ZNF469: variants seen among roughly 807,000 people sequenced by gnomAD.
ZNF469 encodes zinc finger protein 469.
A neutral mutation model predicts 1.0 loss-of-function variants in ZNF469; 1 was observed. That is an observed-to-expected ratio of 1.00 (90% CI 0.35 to 4.73). The LOEUF is 4.73. Among genes scored for constraint, ZNF469 ranks in the 30% most tolerant of loss-of-function variants. ZNF469 has a pLI of 0.16. For synonymous variants in ZNF469, 2,703 were observed against 2,363.4 expected, an observed-to-expected ratio of 1.14 and a Z score of -4.17; for missense variants, 6,100 against 5,356.3, an observed-to-expected ratio of 1.14 and a Z score of -4.33.
chr16:88,330,703 G>A, the ZNF469 span, among the ~76,000 whole-genome samples: 1 of 152,188 alleles, frequency 6.6e-6, no homozygotes, highest in African/African-American at 2.4e-5. Flanking sequence ...AGGGAAAGGA[G>A]AAGTTTTCTC....
the ZNF469 span, among the ~76,000 whole-genome samples, chr16:88,196,157 G>C: frequency 6.6e-6 from 1 of 152,224 alleles, no homozygotes; most frequent in Non-Finnish European, 1.5e-5. Context: ...GAGAGGCATG[G>C]CTTGCCCGAA....
At chr16:88,205,259 T>C in the ZNF469 span, among the ~76,000 whole-genome samples, 2 of 152,202 alleles carry the variant, frequency 1.3e-5, no homozygotes, top group Non-Finnish European at 2.9e-5. This position sits in a 1 kb window ranked among gnomAD's most constrained non-coding sequence, Gnocchi z 4.2. Context: ...CGGCAGAACG[T>C]TGGCTTCGTA....
the ZNF469 span, among the ~76,000 whole-genome samples, chr16:88,286,816 C>A: frequency 6.6e-6 from 1 of 152,218 alleles, no homozygotes; most frequent in Non-Finnish European, 1.5e-5. Context: ...CTCTCTGCCT[C>A]TGTGTCTTAT....
the ZNF469 span, among the ~76,000 whole-genome samples, chr16:88,343,784 T>C: frequency 5.3e-5 from 8 of 152,124 alleles, no homozygotes; most frequent in African/African-American, 1.7e-4. Context: ...AGCCCTCTAA[T>C]CACCTCTTAA....
intron 1 of ZNF469, among the ~76,000 whole-genome samples, chr16:88,384,917 G>A: frequency 6.6e-6 from 1 of 152,154 alleles, no homozygotes; most frequent in Admixed American, 6.5e-5. Flanking sequence ...CATCACAGCA[G>A]CCTGTTCCAG....
the ZNF469 span, among the ~76,000 whole-genome samples, chr16:88,257,781 C>T: frequency 6.6e-6 from 1 of 152,204 alleles, no homozygotes. Context: ...AAGCACACAC[C>T]CTGGTCAGCA....
the ZNF469 span, among the ~76,000 whole-genome samples, chr16:88,309,708 G>A: frequency 2.0e-5 from 3 of 151,162 alleles, no homozygotes; most frequent in African/African-American, 7.3e-5. Context: ...AGTGCCCTCT[G>A]AGGTGCCCTC....
the ZNF469 span, among the ~76,000 whole-genome samples, chr16:88,365,931 C>G: frequency 6.6e-6 from 1 of 152,200 alleles, no homozygotes; most frequent in Non-Finnish European, 1.5e-5. Flanking sequence ...TCCAACCAGC[C>G]ATACACACAT....
At chr16:88,371,423 G>T in the ZNF469 span, among the ~76,000 whole-genome samples, 1 of 152,198 alleles carries the variant, frequency 6.6e-6, no homozygotes, top group East Asian at 1.9e-4. Flanking sequence ...TATGTCCCCA[G>T]TTCAGTCCTC....
At chr16:88,419,600 C>T (rs1034359276) in intron 1 of ZNF469, among the ~76,000 whole-genome samples, 1 of 152,176 alleles carries the variant, frequency 6.6e-6, no homozygotes, top group African/African-American at 2.4e-5. Context: ...CCCTAACCCC[C>T]GGCAGCCTCC....
chr16:88,144,067 A>T, the ZNF469 span, among the ~76,000 whole-genome samples: 1 of 152,208 alleles, frequency 6.6e-6, no homozygotes, highest in Non-Finnish European at 1.5e-5. Context: ...CTGGGGAGAC[A>T]GGAGTGGGGA....
In ZNF469 at chr16:88,439,371, C is replaced by A. The variant is rs912603750; in HGVS notation, c.*39C>A. On this transcript the variant is annotated 3_prime_UTR_variant, in exon 3 of 3. Coordinates refer to ENST00000565624, the MANE Select transcript of ZNF469 (RefSeq NM_001367624.2). ...GAGCCTGGGACCGGAGCTGGGCGTT[C>A]CTGTCTCGGCCTGCCTCCTTGGCCA... 1.3e-6 allele frequency: 2 copies of A among 1,547,750 alleles called. No homozygotes were observed. Among genetic ancestry groups the A allele is most frequent in the Non-Finnish European group, 1.7e-6 (2 of 1,145,220 alleles).
At chr16:88,136,428 G>A in the ZNF469 span, among the ~76,000 whole-genome samples, 2 of 152,268 alleles carry the variant, frequency 1.3e-5, no homozygotes, top group Non-Finnish European at 2.9e-5. Context: ...GCCGTCTCCG[G>A]CTTGGCCAGG....
the ZNF469 span, among the ~76,000 whole-genome samples, chr16:88,195,432 G>C: frequency 1.3e-5 from 2 of 152,188 alleles, no homozygotes; most frequent in Non-Finnish European, 2.9e-5. Flanking sequence ...CTGATAATCT[G>C]CTCTGAGGCT....
At chr16:88,335,359 T>C in the ZNF469 span, among the ~76,000 whole-genome samples, 2 of 152,328 alleles carry the variant, frequency 1.3e-5, no homozygotes, top group Non-Finnish European at 2.9e-5. Flanking sequence ...CTCCACATGG[T>C]GTGGATGAGG....
At chr16:88,406,835 A>T (rs192785647) in intron 1 of ZNF469, among the ~76,000 whole-genome samples, 1 of 152,254 alleles carries the variant, frequency 6.6e-6, no homozygotes, top group African/African-American at 2.4e-5. Flanking sequence ...TGGGGATGAC[A>T]CAGGGTTGGC....
chr16:88,214,667 C>T, the ZNF469 span, among the ~76,000 whole-genome samples: 11 of 152,096 alleles, frequency 7.2e-5, no homozygotes, highest in Non-Finnish European at 1.2e-4. Context: ...CCTCACCCCC[C>T]GACAGGCCCC....
chr16:88,267,761 G>T, the ZNF469 span, among the ~76,000 whole-genome samples: 4 of 150,886 alleles, frequency 2.7e-5, no homozygotes, highest in South Asian at 4.2e-4. Context: ...GGGGCAGGGG[G>T]TCAGCAGGGA....
chr16:88,124,189 T>A, the ZNF469 span, among the ~76,000 whole-genome samples: 1 of 152,216 alleles, frequency 6.6e-6, no homozygotes, highest in Non-Finnish European at 1.5e-5. Context: ...ATCAGGTATC[T>A]GTTTGACCAG....
Sources: allele counts gnomAD v4.1 joint callset (sites outside exome capture counted in the v4.1 genomes callset), GRCh38; gene constraint gnomAD v4.1.1; non-coding constraint Gnocchi (gnomAD v3.1); transcripts MANE v1.5; gene names NCBI Gene and HGNC (gene_info 2026-07-23, HGNC 2026-07-21).